The following CDC42EP4 variants were observed in gnomAD, a reference collection of about 807,000 sequenced individuals.
CDC42EP4 encodes the protein CDC42 effector protein 4, also known as CDC42 effector protein (Rho GTPase binding) 4.
A neutral mutation model predicts 5.6 loss-of-function variants in CDC42EP4; 6 were observed. The observed-to-expected ratio is 1.07, with a 90% confidence interval of 0.59 to 2.12. CDC42EP4 has a LOEUF of 2.12. Among genes scored for constraint, CDC42EP4 ranks in the 30% most tolerant of loss-of-function variants. The pLI, the probability that CDC42EP4 is intolerant of heterozygous loss-of-function variation, is 0.00. For missense variants in CDC42EP4, 490 were observed against 508.6 expected (o/e 0.96, Z 0.35); for synonymous variants, 230 against 224.2 (o/e 1.03, Z -0.23).
rs2145312088 is a variant in CDC42EP4 at position 73,292,153 on chromosome 17, C to T, written c.-112-5541G>A. 2.6e-5 allele frequency among the ~76,000 whole-genome samples: 4 copies of T among 152,358 alleles called. 1 individual carries two copies. The South Asian group carries it at 8.3e-4, about 32-fold the overall frequency. On this transcript the variant is annotated intron_variant, in intron 1 of 1. Transcript: ENST00000335793. ...CGCTCTCTGAAGCTGCCCTGCGGTT[C>T]ACCCCGGTATACAGGGTACACAACA...
chr17:73,285,251 C>G lies in CDC42EP4; in HGVS notation c.*179G>C. On this transcript the variant is annotated 3_prime_UTR_variant, in exon 2 of 2. Coordinates refer to ENST00000335793, the MANE Select transcript of CDC42EP4 (RefSeq NM_012121.5). This position sits in a 1 kb window ranked among gnomAD's most constrained non-coding sequence, Gnocchi z 6.8. ...GCAGCCAGTCGGCACCCATGCCAGC[C>G]CCCTACGTCCTCCGAAGACCCGAGG... 1 of 499,912 alleles carries G rather than the reference C, an allele frequency of 2.0e-6. No homozygotes were observed. The highest frequency in any genetic ancestry group is 3.5e-6 in the Non-Finnish European group (1 of 285,670). 31.0% of individuals were successfully genotyped at this position (499,912 alleles called of 1,614,324 possible). A position where few individuals can be genotyped will look rare whatever the true frequency, so the allele number is the denominator to read the frequency against.
Position 73,285,070 on chromosome 17 carries a change from C to T in CDC42EP4, c.*360G>A, listed in dbSNP as rs533925261. ...AGCTGAGGCTGCCTCTGGGCTGACCCGCTGGCTGTACGTGGCCAGAACTGG... is the reference window on the plus strand; with the variant it reads ...AGCTGAGGCTGCCTCTGGGCTGACCTGCTGGCTGTACGTGGCCAGAACTGG... On this transcript the variant is annotated 3_prime_UTR_variant, in exon 2 of 2. Coordinates refer to ENST00000335793, the MANE Select transcript of CDC42EP4 (RefSeq NM_012121.5). The surrounding 1 kb of genome is among the most constrained non-coding windows in gnomAD (Gnocchi z 6.8). 4.7e-5 allele frequency: 8 copies of T among 171,826 alleles called. No homozygotes were observed. Among genetic ancestry groups the T allele is most frequent in the Admixed American group, 2.4e-4 (4 of 16,788 alleles). The allele number at this position is 171,826 out of a possible 1,614,324, so 10.6% of individuals were successfully genotyped here. A position where few individuals can be genotyped will look rare whatever the true frequency, so the allele number is the denominator to read the frequency against.
chr17:73,303,495 C>T (rs1483406387), intron 1 of CDC42EP4, among the ~76,000 whole-genome samples: 2 of 151,948 alleles, frequency 1.3e-5, no homozygotes, highest in African/African-American at 4.8e-5. Flanking sequence ...GACCCTGTCT[C>T]TACTAAAAAT....
rs537503059 is a variant in CDC42EP4 at position 73,285,312 on chromosome 17, T to C, written c.*118A>G. ...TGTCCCTCATCTACAAGGTCCAGGG[T>C]CCATGGTCTGAATCAAGGGTCCTGG... On this transcript the variant is annotated 3_prime_UTR_variant, in exon 2 of 2. Transcript: ENST00000335793. This position sits in a 1 kb window ranked among gnomAD's most constrained non-coding sequence, Gnocchi z 6.8. 4.0e-4 allele frequency: 321 copies of C among 805,226 alleles called. 4 individuals are homozygous for C. In the South Asian group the frequency reaches 4.6e-3, roughly 11 times the overall value. 49.9% of individuals were successfully genotyped at this position (805,226 alleles called of 1,614,324 possible).
rs1295742891 is a variant in CDC42EP4, at chr17:73,286,031, GCCT to G, written c.467_469del (p.Glu156del). 1.9e-6 allele frequency: 3 copies of G among 1,613,640 alleles called. No homozygotes were observed. The highest frequency in any genetic ancestry group is 2.5e-6 in the Non-Finnish European group (3 of 1,179,994). On this transcript the variant is annotated inframe_deletion, in exon 2 of 2. Transcript: ENST00000335793. The surrounding 1 kb of genome is among the most constrained non-coding windows in gnomAD (Gnocchi z 7.7). ...ACGGGGCACTGCCTCCTCCGTGCCC[GCCT>G]CCTCATCGCCGCCCTCCCCGTCATT...
chr17:73,300,582 G>C (rs1341430827), intron 1 of CDC42EP4, among the ~76,000 whole-genome samples: 2 of 152,130 alleles, frequency 1.3e-5, no homozygotes. Flanking sequence ...AAACACTGGA[G>C]ACTGGGAGGG....
intron 1 of CDC42EP4, among the ~76,000 whole-genome samples, chr17:73,308,947 A>C (rs954112081): frequency 6.9e-6 from 1 of 144,398 alleles, no homozygotes; most frequent in East Asian, 2.1e-4. Flanking sequence ...CTGAGGCAGG[A>C]GAATTGCTTG....
rs2062116089 is a variant in CDC42EP4, at chr17:73,283,983, C to A, written c.*1447G>T. 6.6e-6 allele frequency: 1 copy of A among 152,222 alleles called. No individual in the cohort carries two copies. The highest frequency in any genetic ancestry group is 1.5e-5 in the Non-Finnish European group (1 of 68,058). 9.4% of individuals were successfully genotyped at this position (152,222 alleles called of 1,614,324 possible). A position where few individuals can be genotyped will look rare whatever the true frequency, so the allele number is the denominator to read the frequency against. On this transcript the variant is annotated 3_prime_UTR_variant, in exon 2 of 2. Coordinates refer to ENST00000335793, the MANE Select transcript of CDC42EP4 (RefSeq NM_012121.5). Reference sequence around the variant, plus strand: ...GAGGTGGGTCAGGCTGTTCCCAGGACAGAAAAATAACCGGCAGTCAACCTC... The same window carrying A: ...GAGGTGGGTCAGGCTGTTCCCAGGAAAGAAAAATAACCGGCAGTCAACCTC...
chr17:73,299,443 ATACACACAC>A (rs149891991), intron 1 of CDC42EP4, among the ~76,000 whole-genome samples: 13 of 113,480 alleles, frequency 1.1e-4, no homozygotes, highest in African/African-American at 3.8e-4. Context: ...AAAAAAAAAA[ATACACACAC>A]ACACACACAC....
intron 1 of CDC42EP4, among the ~76,000 whole-genome samples, chr17:73,302,358 ATC>A (rs1201726503): frequency 1.3e-5 from 2 of 152,198 alleles, no homozygotes; most frequent in South Asian, 2.1e-4. Flanking sequence ...GACATGAAAC[ATC>A]TCTCTTTCTG....
At chr17:73,308,212 ACT>A (rs1273268295) in intron 1 of CDC42EP4, among the ~76,000 whole-genome samples, 1 of 151,852 alleles carries the variant, frequency 6.6e-6, no homozygotes. Context: ...CCTTCAGGAC[ACT>A]CTGCCGGATG....
chr17:73,293,863 AC>A (rs2145313861), intron 1 of CDC42EP4, among the ~76,000 whole-genome samples: 1 of 152,262 alleles, frequency 6.6e-6, no homozygotes, highest in Admixed American at 6.5e-5. Context: ...GCTTAGATAC[AC>A]GTGGTTACAT....
chr17:73,310,771 A>ACACACACACACACACACACGCACT (rs2062269939), intron 1 of CDC42EP4: 6 of 152,280 alleles, frequency 3.9e-5, no homozygotes, highest in South Asian at 4.2e-4. Flanking sequence ...ACACACACAC[A>ACACACACACACACACACACGCACT]CACACACACA....
chr17:73,297,524 T>C (rs912503972), intron 1 of CDC42EP4, among the ~76,000 whole-genome samples: 3 of 152,000 alleles, frequency 2.0e-5, no homozygotes, highest in African/African-American at 7.2e-5. Context: ...GCAGAACATA[T>C]ACTTGTTTAT....
chr17:73,306,954 G>C (rs1242034856), intron 1 of CDC42EP4: 3 of 152,250 alleles, frequency 2.0e-5, no homozygotes, highest in African/African-American at 7.2e-5. Context: ...GGTGGAGGCT[G>C]CCCCAGACAA....
Position 73,286,827 on chromosome 17 carries a change from G to A in CDC42EP4, c.-112-215C>T, listed in dbSNP as rs986769137. 1 of 277,292 alleles carries A rather than the reference G, an allele frequency of 3.6e-6. No individual in the cohort carries two copies. The highest frequency in any genetic ancestry group is 6.8e-6 in the Non-Finnish European group (1 of 146,690). The allele number at this position is 277,292 out of a possible 1,614,324, so 17.2% of individuals were successfully genotyped here. ...TTTTGCAAATCTGGTTAGAGTTCCA[G>A]TAGCCTCGGACACACTTTCCCTGAA... On this transcript the variant is annotated intron_variant, in intron 1 of 1. Transcript: ENST00000335793. The surrounding 1 kb of genome is among the most constrained non-coding windows in gnomAD (Gnocchi z 7.7).
rs1302783412 is a variant in CDC42EP4 at position 73,283,734 on chromosome 17, G to T, written c.*1696C>A. ...ACGGGATTCGAGGGCAGCTGGCGGGGGCTGCATAGCCCCTGAGGTTCCTCC... is the reference window on the plus strand; with the variant it reads ...ACGGGATTCGAGGGCAGCTGGCGGGTGCTGCATAGCCCCTGAGGTTCCTCC... On this transcript the variant is annotated 3_prime_UTR_variant, in exon 2 of 2. Transcript: ENST00000335793. The T allele has an allele frequency of 6.6e-6, 1 of 152,254 alleles. No homozygotes were observed. Among genetic ancestry groups the T allele is most frequent in the African/African-American group, 2.4e-5 (1 of 41,448 alleles). The allele number at this position is 152,254 out of a possible 1,614,324, so 9.4% of individuals were successfully genotyped here.
At chr17:73,289,578 A>T (rs1301609449) in intron 1 of CDC42EP4, among the ~76,000 whole-genome samples, 1 of 149,846 alleles carries the variant, frequency 6.7e-6, no homozygotes. Flanking sequence ...AAAAAAAACC[A>T]CCAAAAAGCC....
chr17:73,298,229 C>T (rs1181923769), intron 1 of CDC42EP4, among the ~76,000 whole-genome samples: 1 of 152,124 alleles, frequency 6.6e-6, no homozygotes, highest in Non-Finnish European at 1.5e-5. Flanking sequence ...AAGCCAGACA[C>T]GTTTATTAGG....
Sources: gnomAD v4.1 joint callset for allele counts (sites outside exome capture counted in the v4.1 genomes callset) on GRCh38, gnomAD v4.1.1 for gene constraint, Gnocchi (gnomAD v3.1) non-coding constraint, MANE v1.5 for transcripts, NCBI Gene and HGNC (gene_info 2026-07-23, HGNC 2026-07-21) for gene names.